Variants in GRIK2 observed in about 807,000 individuals in gnomAD.
GRIK2 encodes the protein glutamate ionotropic receptor kainate type subunit 2, also known as glutamate receptor ionotropic, kainate 2.
Under a neutral mutation model 100.3 loss-of-function variants are expected in GRIK2, and 32 were observed. The observed-to-expected ratio is 0.32, with a 90% confidence interval of 0.24 to 0.43. GRIK2 has a LOEUF of 0.43. Ranked by LOEUF, GRIK2 falls within the 20% of genes least tolerant of loss-of-function variation. The pLI, the probability that GRIK2 is intolerant of heterozygous loss-of-function variation, is 1.00. For synonymous variants in GRIK2, 417 were observed against 389.4 expected (o/e 1.07, Z -0.83); for missense variants, 843 against 1,114.9 (o/e 0.76, Z 3.47).
intron 2 of GRIK2, among the ~76,000 whole-genome samples, chr6:101,528,774 A>C (rs1284455361): frequency 6.6e-6 from 1 of 152,182 alleles, no homozygotes; most frequent in African/African-American, 2.4e-5. Context: ...TCTGCTTCCT[A>C]ATTATGATAT....
intron 11 of GRIK2, among the ~76,000 whole-genome samples, chr6:101,869,242 C>G (rs1785238438): frequency 6.6e-6 from 1 of 151,856 alleles, no homozygotes; most frequent in African/African-American, 2.4e-5. Flanking sequence ...TGATATGATT[C>G]AGACAATTTG....
At chr6:101,681,762 C>T (rs1270033070) in intron 5 of GRIK2, among the ~76,000 whole-genome samples, 3 of 151,960 alleles carry the variant, frequency 2.0e-5, no homozygotes, top group Non-Finnish European at 4.4e-5. Context: ...ATTAGATGTA[C>T]CTGAGAATAA....
chr6:101,611,681 G>A (rs138124706), intron 2 of GRIK2, among the ~76,000 whole-genome samples: 1 of 151,808 alleles, frequency 6.6e-6, no homozygotes, highest in Non-Finnish European at 1.5e-5. Flanking sequence ...TAGGAAGGGT[G>A]GGAGATATTT....
intron 14 of GRIK2, among the ~76,000 whole-genome samples, chr6:101,931,045 A>T (rs1000372564): frequency 7.9e-5 from 12 of 152,164 alleles, no homozygotes; most frequent in African/African-American, 2.9e-4. Flanking sequence ...TTTCCTACTG[A>T]AACTAGGAAA....
intron 7 of GRIK2, among the ~76,000 whole-genome samples, chr6:101,773,136 A>G (rs976683035): frequency 1.3e-5 from 2 of 152,186 alleles, no homozygotes; most frequent in Non-Finnish European, 2.9e-5. Context: ...ATAAAACAAT[A>G]ATTAGTTAAA....
chr6:101,886,432 T>A lies in GRIK2; in HGVS notation c.1525-3208T>A, dbSNP rs12214561. On this transcript the variant is annotated intron_variant, in intron 11 of 16. Transcript: ENST00000369134. ...TAATTAAAAGTATTATAGTATTACA[T>A]AATTTCTATTTTTCTCTTTCATATT... 9.8e-3 allele frequency among the ~76,000 whole-genome samples: 1,486 copies of A among 152,120 alleles called. 15 individuals carry two copies. The highest frequency in any genetic ancestry group is 0.027 in the Middle Eastern group (8 of 292).
At chr6:101,682,438 T>A (rs1428616829) in intron 5 of GRIK2, 115 bp from the exon 6 acceptor site, 1 of 671,144 alleles carries the variant, frequency 1.5e-6, no homozygotes, top group East Asian at 2.7e-5. Flanking sequence ...GTATGTAACA[T>A]GAATATTGTA....
At chr6:101,875,661 T>G (rs1158637802) in intron 11 of GRIK2, among the ~76,000 whole-genome samples, 1 of 151,902 alleles carries the variant, frequency 6.6e-6, no homozygotes, top group Non-Finnish European at 1.5e-5. Context: ...TTCTTTTGAC[T>G]CATTGTTTTT....
chr6:101,848,970 C>A (rs558273430), intron 10 of GRIK2, among the ~76,000 whole-genome samples: 52 of 151,840 alleles, frequency 3.4e-4, no homozygotes, highest in Middle Eastern at 3.4e-3. Flanking sequence ...GAGAAGAATA[C>A]CTTTTACCCA....
At chr6:101,870,899 A>AT (rs1383531802) in intron 11 of GRIK2, among the ~76,000 whole-genome samples, 1 of 151,904 alleles carries the variant, frequency 6.6e-6, no homozygotes, top group Non-Finnish European at 1.5e-5. Flanking sequence ...GGACGATGAG[A>AT]TAATTTGAGA....
At position 101,860,671 on chromosome 6, in the gene GRIK2, T is replaced by C. The variant is rs529381686; in HGVS notation, c.1524+1178T>C. On this transcript the variant is annotated intron_variant, in intron 11 of 16. Transcript: ENST00000369134. ...TGGTTGATATCACTGGTGAAGTCTT[T>C]CGAAAGGGCTGTTTTCTGTTTTCAG... Among the ~76,000 whole-genome samples, 3 of 152,302 alleles carry C rather than the reference T, an allele frequency of 2.0e-5. No homozygotes were observed. In the East Asian group the frequency reaches 5.8e-4, roughly 29 times the overall value.
At chr6:102,020,839 G>C (rs1351983976) in intron 14 of GRIK2, among the ~76,000 whole-genome samples, 1 of 151,664 alleles carries the variant, frequency 6.6e-6, no homozygotes, top group African/African-American at 2.4e-5. Flanking sequence ...TTATTAATAA[G>C]GATATTCCGA....
chr6:101,440,726 A>T (rs571649547), intron 2 of GRIK2, among the ~76,000 whole-genome samples: 2 of 152,236 alleles, frequency 1.3e-5, no homozygotes, highest in Admixed American at 6.5e-5. Context: ...GCCCTAAAAC[A>T]TATTGACACA....
At chr6:101,772,722 C>CTTTTTTTTT (rs1160886527) in intron 7 of GRIK2, among the ~76,000 whole-genome samples, 1 of 127,786 alleles carries the variant, frequency 7.8e-6, no homozygotes, top group East Asian at 5.4e-4. Context: ...TTTTCCACTC[C>CTTTTTTTTT]TTTTATTTTT....
chr6:101,770,308 A>G (rs1778317423), intron 7 of GRIK2, among the ~76,000 whole-genome samples: 1 of 152,020 alleles, frequency 6.6e-6, no homozygotes, highest in Non-Finnish European at 1.5e-5. Context: ...CCTTGCCCAT[A>G]CGTCACCACC....
At chr6:101,662,230 T>C (rs934083191) in intron 4 of GRIK2, among the ~76,000 whole-genome samples, 86 of 152,368 alleles carry the variant, frequency 5.6e-4, no homozygotes, top group Non-Finnish European at 6.9e-4. Flanking sequence ...ATGATGGCTA[T>C]GTCTTCTGTG....
chr6:101,688,385 CTT>C (rs1771858280), intron 7 of GRIK2, among the ~76,000 whole-genome samples: 2 of 151,744 alleles, frequency 1.3e-5, no homozygotes, highest in Admixed American at 1.3e-4. Context: ...CCCTCTGTGA[CTT>C]TACACATCAT....
At chr6:101,880,084 A>C (rs1251173998) in intron 11 of GRIK2, among the ~76,000 whole-genome samples, 1 of 152,080 alleles carries the variant, frequency 6.6e-6, no homozygotes, top group Non-Finnish European at 1.5e-5. Context: ...AGCCAACTAC[A>C]CAAAAACTAA....
At chr6:101,585,031 A>T (rs1778288921) in intron 2 of GRIK2, among the ~76,000 whole-genome samples, 1 of 151,968 alleles carries the variant, frequency 6.6e-6, no homozygotes, top group Non-Finnish European at 1.5e-5. Context: ...TTTCATTTGA[A>T]AAGTGAAGTA....
Sources: allele counts gnomAD v4.1 joint callset (sites outside exome capture counted in the v4.1 genomes callset), GRCh38; gene constraint gnomAD v4.1.1; transcripts MANE v1.5; gene names NCBI Gene and HGNC (gene_info 2026-07-23, HGNC 2026-07-21).